The following MRTFA variants were observed in gnomAD, a reference collection of about 807,000 sequenced individuals.
MRTFA encodes the protein myocardin-related transcription factor A.
Under a neutral mutation model 83.5 loss-of-function variants are expected in MRTFA, and 20 were observed. That is an observed-to-expected ratio of 0.24 (90% CI 0.17 to 0.35). MRTFA has a LOEUF of 0.35. MRTFA is among the 10% of genes least tolerant of loss of function. The pLI is 1.00. For synonymous variants in MRTFA, 659 were observed against 541.2 expected, an observed-to-expected ratio of 1.22 and a Z score of -3.02; for missense variants, 1,200 against 1,224.7, an observed-to-expected ratio of 0.98 and a Z score of 0.30.
intron 4 of MRTFA, among the ~76,000 whole-genome samples, chr22:40,449,742 G>A (rs955985160): frequency 1.3e-5 from 2 of 152,218 alleles, no homozygotes; most frequent in African/African-American, 4.8e-5. Context: ...CAATTCTGTT[G>A]GCTGTGTGGG....
At chr22:40,449,278 AAAAAAAAAAAAAAG>A (rs947562252) in intron 4 of MRTFA, among the ~76,000 whole-genome samples, 10 of 148,628 alleles carry the variant, frequency 6.7e-5, no homozygotes, top group African/African-American at 2.6e-4. Context: ...AAACGAGAAA[AAAAAAAAAAAAAAG>A]AAAAGAAAAG....
At chr22:40,498,280 T>TATATATATATATATAAATATATA (rs1602339571) in intron 3 of MRTFA, among the ~76,000 whole-genome samples, 1 of 100,378 alleles carries the variant, frequency 1.0e-5, no homozygotes, top group Non-Finnish European at 2.1e-5. Flanking sequence ...TATATTTTTT[T>TATATATATATATATAAATATATA]TTTTTTTTTT....
intron 5 of MRTFA, chr22:40,433,617 T>TG (rs1377127057): frequency 6.5e-6 from 1 of 152,858 alleles, no homozygotes; most frequent in Non-Finnish European, 1.5e-5. Flanking sequence ...CACGCACAGA[T>TG]GTGAGCAGCT....
chr22:40,540,015 T>TCC (rs772633877), intron 3 of MRTFA, among the ~76,000 whole-genome samples: 9 of 148,390 alleles, frequency 6.1e-5, no homozygotes, highest in Admixed American at 2.7e-4. Flanking sequence ...GCTCAAACGA[T>TCC]CCCCCCATCT....
Position 40,411,527 on chromosome 22 carries a change from T to C in MRTFA, c.2959A>G (p.Ser987Gly). 1 of 1,613,190 alleles carries C rather than the reference T, an allele frequency of 6.2e-7. No individual in the cohort carries two copies. Among genetic ancestry groups the C allele is most frequent in the Non-Finnish European group, 8.5e-7 (1 of 1,179,374 alleles). The change falls in exon 15 of 15, where the codon AGC becomes GGC. Residue 987 changes from serine (S) to glycine (G), a missense_variant. Physicochemically the swap from Ser to Gly is moderately conservative, Grantham distance 56. This residue lies in a region of MRTFA where 1,107 missense variants were observed against 1,041.8 expected (regional missense o/e 1.06). Coordinates refer to ENST00000355630, the MANE Select transcript of MRTFA (RefSeq NM_020831.6). ...GACGACAGCTCCAGCCAGTCCATGC[T>C]GTCCAGGTGGCCATCAGCCAGGTCC...
At chr22:40,415,355 A>T (rs1239352398) in intron 14 of MRTFA, 1 of 152,228 alleles carries the variant, frequency 6.6e-6, no homozygotes. Context: ...GGACCCAGGG[A>T]TTCTCCCTAG....
At chr22:40,528,575 T>C (rs1037839749) in intron 3 of MRTFA, among the ~76,000 whole-genome samples, 2 of 151,844 alleles carry the variant, frequency 1.3e-5, no homozygotes, top group Admixed American at 6.6e-5. Flanking sequence ...CCGTCTCTAC[T>C]AAAAATACAA....
chr22:40,494,936 T>C (rs1318767238), intron 3 of MRTFA, among the ~76,000 whole-genome samples: 2 of 152,146 alleles, frequency 1.3e-5, no homozygotes, highest in Non-Finnish European at 2.9e-5. Context: ...AAATAATCTA[T>C]ATGTCTTGAT....
At chr22:40,575,191 A>G (rs1376352229) in intron 2 of MRTFA, among the ~76,000 whole-genome samples, 1 of 151,760 alleles carries the variant, frequency 6.6e-6, no homozygotes, top group African/African-American at 2.4e-5. Context: ...AATGAGATGA[A>G]GATCTAAAAT....
intron 3 of MRTFA, among the ~76,000 whole-genome samples, chr22:40,531,599 C>T (rs1388049690): frequency 6.6e-6 from 1 of 152,112 alleles, no homozygotes; most frequent in African/African-American, 2.4e-5. Context: ...ATAGCAGTCT[C>T]ACCTATAAAG....
chr22:40,461,724 G>A (rs140043467), intron 4 of MRTFA, among the ~76,000 whole-genome samples: 3,013 of 151,678 alleles, frequency 0.02, 88 homozygotes, highest in African/African-American at 0.068. Context: ...GCGTGAACCC[G>A]GGAGGCGGAG....
intron 2 of MRTFA, chr22:40,569,248 G>GAAGACAGC (rs2055749081): frequency 6.0e-6 from 1 of 165,744 alleles, no homozygotes; most frequent in African/African-American, 2.4e-5. Flanking sequence ...TCTGAAAAAA[G>GAAGACAGC]AAGACAGCAG....
rs146530131 is a variant in MRTFA at position 40,411,558 on chromosome 22, C to T, written c.2928G>A (p.Met976Ile). 2 of 1,613,808 alleles carry T rather than the reference C, an allele frequency of 1.2e-6. No homozygotes were observed. The highest frequency in any genetic ancestry group is 1.7e-6 in the Non-Finnish European group (2 of 1,179,934). The change falls in exon 15 of 15, where the codon ATG becomes ATA. Residue 976 changes from methionine (M) to isoleucine (I), a missense_variant. Met to Ile is a conservative substitution (Grantham distance 10, BLOSUM62 1). Coordinates refer to ENST00000355630, the MANE Select transcript of MRTFA (RefSeq NM_020831.6). ...GGTGGCCATCAGCCAGGTCCAGGCC[C>T]ATGGTGCTGCTGGGCTCAGGAACAA...
chr22:40,636,675 A>T lies in MRTFA; in HGVS notation c.-281T>A, dbSNP rs2056706091. The stretch of plus-strand genomic sequence containing the variant: ...GCTCTCGCCGCCGCGGCCACCACAG[A>T]CACTGCCGCCGCCGGCTCCTCTCAG... On this transcript the variant is annotated 5_prime_UTR_variant, in exon 1 of 15. Coordinates refer to ENST00000355630, the MANE Select transcript of MRTFA (RefSeq NM_020831.6). The T allele has an allele frequency of 6.6e-6, 1 of 152,354 alleles. No individual in the cohort carries two copies. Among genetic ancestry groups the T allele is most frequent in the Admixed American group, 6.5e-5 (1 of 15,294 alleles). 9.4% of individuals were successfully genotyped at this position (152,354 alleles called of 1,614,324 possible). A position where few individuals can be genotyped will look rare whatever the true frequency, so the allele number is the denominator to read the frequency against.
intron 3 of MRTFA, among the ~76,000 whole-genome samples, chr22:40,551,034 A>G (rs1373176098): frequency 6.6e-6 from 1 of 151,312 alleles, no homozygotes; most frequent in Non-Finnish European, 1.5e-5. Flanking sequence ...TATCTTTAGT[A>G]AAGACGGGGT....
intron 1 of MRTFA, among the ~76,000 whole-genome samples, chr22:40,614,345 A>G (rs2056424185): frequency 6.6e-6 from 1 of 151,766 alleles, no homozygotes; most frequent in African/African-American, 2.4e-5. Flanking sequence ...ACAGAGGTCA[A>G]GGTTGCAGTT....
chr22:40,625,470 TAAATA>T (rs1356005508), intron 1 of MRTFA, among the ~76,000 whole-genome samples: 7 of 150,116 alleles, frequency 4.7e-5, no homozygotes, highest in Non-Finnish European at 8.9e-5. Context: ...AATAAATAAA[TAAATA>T]AATAAATAAA....
intron 2 of MRTFA, among the ~76,000 whole-genome samples, chr22:40,585,685 T>C (rs2147367525): frequency 6.6e-6 from 1 of 152,232 alleles, no homozygotes; most frequent in Non-Finnish European, 1.5e-5. Context: ...CAGAGCTAGG[T>C]GATGGCAGGG....
intron 2 of MRTFA, among the ~76,000 whole-genome samples, chr22:40,579,242 CTTAAGAT>C (rs2055911993): frequency 6.6e-6 from 1 of 152,204 alleles, no homozygotes; most frequent in Non-Finnish European, 1.5e-5. Flanking sequence ...TGCTAATTCT[CTTAAGAT>C]TTAAGATGAA....
Sources: gnomAD v4.1 joint callset for allele counts (sites outside exome capture counted in the v4.1 genomes callset) on GRCh38, gnomAD v4.1.1 for gene constraint, gnomAD v4.1.1 regional missense constraint, MANE v1.5 for transcripts, NCBI Gene and HGNC (gene_info 2026-07-23, HGNC 2026-07-21) for gene names.